Variants in ADK observed in about 807,000 individuals in gnomAD.
The protein encoded by ADK is adenosine kinase.
In ADK, 24 loss-of-function variants were observed where a neutral mutation model predicts 44.7. The ratio of observed to expected loss-of-function variants is 0.54; its 90% CI spans 0.39 to 0.76. The LOEUF (loss-of-function observed/expected upper bound fraction) is 0.76. Among genes scored for constraint, ADK ranks in the 30% least tolerant of loss-of-function variants. The pLI is 0.00. For synonymous variants in ADK, 128 were observed against 142.6 expected (o/e 0.90, Z 0.73); for missense variants, 321 against 425.1 (o/e 0.76, Z 2.15).
chr10:74,253,338 A>T (rs1283254192), intron 3 of ADK, among the ~76,000 whole-genome samples: 8 of 152,096 alleles, frequency 5.3e-5, no homozygotes, highest in African/African-American at 1.9e-4. Context: ...TAGGGAAGGG[A>T]TAGTAACTTT....
chr10:74,627,940 C>A (rs1327038530), intron 9 of ADK, among the ~76,000 whole-genome samples: 1 of 152,070 alleles, frequency 6.6e-6, no homozygotes, highest in East Asian at 1.9e-4. Context: ...CCTGGCCTAC[C>A]ACAATGTTTT....
At chr10:74,559,853 ATGT>A (rs958727357) in intron 7 of ADK, among the ~76,000 whole-genome samples, 2 of 144,536 alleles carry the variant, frequency 1.4e-5, no homozygotes, top group Non-Finnish European at 3.0e-5. Context: ...AAGTTTTTTC[ATGT>A]TGTTTTTTTT....
At chr10:74,550,193 C>T (rs2133775276) in intron 7 of ADK, among the ~76,000 whole-genome samples, 1 of 151,982 alleles carries the variant, frequency 6.6e-6, no homozygotes, top group East Asian at 1.9e-4. Flanking sequence ...GCCTCAGCCT[C>T]CCAAGTAGCT....
intron 6 of ADK, among the ~76,000 whole-genome samples, chr10:74,412,748 A>G (rs1046274428): frequency 2.0e-5 from 3 of 152,176 alleles, no homozygotes; most frequent in Non-Finnish European, 4.4e-5. Flanking sequence ...GTAGATCTCA[A>G]CAGTGGGCTT....
chr10:74,318,102 A>G (rs1411195129), intron 4 of ADK, among the ~76,000 whole-genome samples: 1 of 152,110 alleles, frequency 6.6e-6, no homozygotes, highest in Non-Finnish European at 1.5e-5. Flanking sequence ...TGAAGAGGCC[A>G]CAAGTGGGCT....
chr10:74,268,061 A>G (rs1435878552), intron 3 of ADK, among the ~76,000 whole-genome samples: 1 of 152,106 alleles, frequency 6.6e-6, no homozygotes, highest in African/African-American at 2.4e-5. Context: ...GGTGGCTCAC[A>G]CCTGTAATCC....
intron 6 of ADK, among the ~76,000 whole-genome samples, chr10:74,495,522 A>G (rs1439909108): frequency 1.3e-5 from 2 of 152,146 alleles, no homozygotes; most frequent in Admixed American, 6.5e-5. Flanking sequence ...GGAAAAATGG[A>G]TTCTCTAATT....
chr10:74,397,829 T>G (rs1487490913), intron 5 of ADK, among the ~76,000 whole-genome samples: 2 of 152,316 alleles, frequency 1.3e-5, no homozygotes, highest in South Asian at 4.1e-4. Flanking sequence ...TTTGAGCTAC[T>G]GCACCCAACC....
intron 4 of ADK, among the ~76,000 whole-genome samples, chr10:74,355,129 T>C (rs1348128142): frequency 6.6e-6 from 1 of 152,190 alleles, no homozygotes; most frequent in Non-Finnish European, 1.5e-5. Context: ...ACCTGCTCTT[T>C]TCTAGTTTTA....
At chr10:74,382,433 A>G (rs1843001090) in intron 4 of ADK, among the ~76,000 whole-genome samples, 2 of 152,112 alleles carry the variant, frequency 1.3e-5, no homozygotes, top group Non-Finnish European at 2.9e-5. Flanking sequence ...TTAATTTACC[A>G]CAATAAACTT....
At chr10:74,278,246 C>T (rs1325282978) in intron 3 of ADK, among the ~76,000 whole-genome samples, 2 of 150,698 alleles carry the variant, frequency 1.3e-5, no homozygotes, top group Non-Finnish European at 3.0e-5. Context: ...CCCAGCTACT[C>T]GGGAGGCTGA....
intron 9 of ADK, among the ~76,000 whole-genome samples, chr10:74,651,871 A>T (rs1290087338): frequency 1.3e-5 from 2 of 152,214 alleles, no homozygotes; most frequent in African/African-American, 4.8e-5. Context: ...TGCTAAAAAA[A>T]ATGTGCTGAG....
chr10:74,648,504 C>T (rs1290524385), intron 9 of ADK, among the ~76,000 whole-genome samples: 1 of 151,602 alleles, frequency 6.6e-6, no homozygotes, highest in Non-Finnish European at 1.5e-5. Flanking sequence ...ATGGTGAAAC[C>T]CCATCTCTAC....
rs578015686 is a variant in ADK, at chr10:74,217,525, C to T, written c.141-7013C>T. 3.3e-5 allele frequency among the ~76,000 whole-genome samples: 5 copies of T among 152,282 alleles called. 1 individual carries two copies. Among genetic ancestry groups the T allele is most frequent in the African/African-American group, 4.8e-5 (2 of 41,568 alleles). The stretch of plus-strand genomic sequence containing the variant: ...CAGCTTTGAAGAGAGCAGTGGTTCT[C>T]CCAGCACGCAGCTGGAGATCTGAGA... On this transcript the variant is annotated intron_variant, in intron 2 of 10. Transcript: ENST00000539909.
At chr10:74,163,305 C>T (rs935048816) in intron 1 of ADK, among the ~76,000 whole-genome samples, 9 of 152,180 alleles carry the variant, frequency 5.9e-5, no homozygotes, top group Non-Finnish European at 8.8e-5. Context: ...TTGATGTCTT[C>T]ACTCATTCTT....
At chr10:74,657,540 T>C (rs1220024224) in intron 9 of ADK, among the ~76,000 whole-genome samples, 1 of 152,216 alleles carries the variant, frequency 6.6e-6, no homozygotes, top group African/African-American at 2.4e-5. Context: ...TAGAGAAATA[T>C]AGTACAGTTA....
chr10:74,259,757 C>T (rs1435140072), intron 3 of ADK, among the ~76,000 whole-genome samples: 1 of 152,058 alleles, frequency 6.6e-6, no homozygotes, highest in African/African-American at 2.4e-5. Flanking sequence ...CTGCCCGGCC[C>T]ATTTTTCTCA....
At chr10:74,173,017 T>C (rs1230831038) in intron 1 of ADK, among the ~76,000 whole-genome samples, 1 of 152,136 alleles carries the variant, frequency 6.6e-6, no homozygotes, top group Non-Finnish European at 1.5e-5. Flanking sequence ...TATCTTCCCT[T>C]AATTATACTG....
intron 9 of ADK, among the ~76,000 whole-genome samples, chr10:74,627,449 A>G (rs113460064): frequency 2.7e-4 from 41 of 152,214 alleles, no homozygotes; most frequent in African/African-American, 9.9e-4. Flanking sequence ...TGCACACTCC[A>G]GCCTGGGTGA....
Sources: gnomAD v4.1 joint callset for allele counts (sites outside exome capture counted in the v4.1 genomes callset) on GRCh38, gnomAD v4.1.1 for gene constraint, MANE v1.5 for transcripts, NCBI Gene and HGNC (gene_info 2026-07-23, HGNC 2026-07-21) for gene names.